GSDMC: variants seen among roughly 807,000 people sequenced by gnomAD.
The protein encoded by GSDMC is gasdermin-C.
Under a neutral mutation model 58.0 loss-of-function variants are expected in GSDMC, and 59 were observed. The ratio of observed to expected loss-of-function variants is 1.02; its 90% confidence interval spans 0.82 to 1.26. GSDMC has a LOEUF of 1.26. Ranked by LOEUF, GSDMC falls within the 50% of genes most tolerant of loss-of-function variation. GSDMC has a pLI of 0.00. For missense variants in GSDMC, 659 were observed against 598.5 expected, an observed-to-expected ratio of 1.10 and a Z score of -1.06; for synonymous variants, 241 against 220.2, an observed-to-expected ratio of 1.09 and a Z score of -0.83.
the GSDMC span, among the ~76,000 whole-genome samples, chr8:129,708,744 C>T: frequency 6.6e-6 from 1 of 152,382 alleles, no homozygotes. Flanking sequence ...ATTGGGAATG[C>T]CGTCCTTAAC....
At chr8:129,720,760 T>C in the GSDMC span, among the ~76,000 whole-genome samples, 50 of 152,350 alleles carry the variant, frequency 3.3e-4, no homozygotes, top group African/African-American at 1.2e-3. Context: ...ACACTGTAGG[T>C]AGGCTAAAAA....
At chr8:129,711,667 C>T in the GSDMC span, among the ~76,000 whole-genome samples, 2 of 152,186 alleles carry the variant, frequency 1.3e-5, no homozygotes, top group Non-Finnish European at 2.9e-5. Context: ...ACCAAAGGGT[C>T]CTTCCTGCAA....
At chr8:129,731,557 C>A in the GSDMC span, among the ~76,000 whole-genome samples, 1 of 152,194 alleles carries the variant, frequency 6.6e-6, no homozygotes, top group African/African-American at 2.4e-5. Flanking sequence ...AAGAGGCTGG[C>A]AACCCAGGAA....
At position 129,786,321 on chromosome 8, in the gene GSDMC, CAAAA is replaced by C. The variant is rs747387114; in HGVS notation, c.-319_-316del. 3 of 131,716 alleles carry C rather than the reference CAAAA, an allele frequency of 2.3e-5. No individual in the cohort carries two copies. The highest frequency in any genetic ancestry group is 5.6e-5 in the African/African-American group (2 of 35,944). 8.2% of individuals were successfully genotyped at this position (131,716 alleles called of 1,614,324 possible). A position where few individuals can be genotyped will look rare whatever the true frequency, so the allele number is the denominator to read the frequency against. ...CACTCCAGCCTGGGCAACTCCGTCT[CAAAA>C]AAAAAAAAAAGAGAGAAAAATAGCA... On this transcript the variant is annotated 5_prime_UTR_variant, in exon 1 of 14. Transcript: ENST00000276708.
chr8:129,750,517 G>A lies in GSDMC; in HGVS notation c.997C>T (p.Leu333Phe). ...ATGACATCCTGAACATCCTTTGAGA[G>A]CTGAGCCAGTGTCTTTATTTTCTGG... is the stretch of plus-strand genomic sequence containing the variant. ...VFQKIKTLAQ[L>F]SKDVQDVMFY... The change falls in exon 11 of 14, where the codon CTC (leucine) becomes TTC (phenylalanine). Residue 333 changes from leucine to phenylalanine, a missense_variant. By Grantham distance (22) the Leu-to-Phe change is conservative (BLOSUM62 0). Coordinates refer to ENST00000276708, the MANE Select transcript of GSDMC (RefSeq NM_031415.3). 1.2e-6 allele frequency: 2 copies of A among 1,613,754 alleles called. No homozygotes were observed. The highest frequency in any genetic ancestry group is 1.7e-6 in the Non-Finnish European group (2 of 1,179,644).
chr8:129,771,036 T>C (rs1167647690), intron 3 of GSDMC, among the ~76,000 whole-genome samples: 1 of 149,646 alleles, frequency 6.7e-6, no homozygotes, highest in Non-Finnish European at 1.5e-5. Flanking sequence ...TATGTATATG[T>C]ATATATTTAT....
downstream of GSDMC, among the ~76,000 whole-genome samples, chr8:129,745,097 C>G (rs1403519170): frequency 6.6e-6 from 1 of 152,198 alleles, no homozygotes; most frequent in Non-Finnish European, 1.5e-5. Flanking sequence ...AGTTTTCTTA[C>G]TACAAGCCCA....
chr8:129,752,905 C>T, intron 6 of GSDMC, 85 bp from the exon 7 acceptor site: 2 of 1,592,050 alleles, frequency 1.3e-6, no homozygotes, highest in Non-Finnish European at 1.7e-6. Flanking sequence ...CAGAGCCAGG[C>T]TGGGCTCAAT....
the GSDMC span, among the ~76,000 whole-genome samples, chr8:129,736,783 T>C: frequency 6.6e-6 from 1 of 152,218 alleles, no homozygotes; most frequent in African/African-American, 2.4e-5. Context: ...TTGGAAGTTC[T>C]GGCCAGGGCA....
the GSDMC span, among the ~76,000 whole-genome samples, chr8:129,741,973 ATGCT>A: frequency 6.8e-6 from 1 of 147,060 alleles, no homozygotes; most frequent in African/African-American, 2.6e-5. Context: ...AAAGAAGGAT[ATGCT>A]TTCATTTGTG....
chr8:129,782,199 G>C (rs2034434921), intron 1 of GSDMC, among the ~76,000 whole-genome samples: 1 of 151,942 alleles, frequency 6.6e-6, no homozygotes, highest in Non-Finnish European at 1.5e-5. Flanking sequence ...AAAACCCATG[G>C]GATACAGCAA....
chr8:129,713,335 G>T, the GSDMC span, among the ~76,000 whole-genome samples: 1 of 152,178 alleles, frequency 6.6e-6, no homozygotes, highest in Non-Finnish European at 1.5e-5. Context: ...GGAGCCCCAA[G>T]AATGGTGCTG....
At chr8:129,767,561 G>A (rs538663030) in intron 3 of GSDMC, among the ~76,000 whole-genome samples, 1 of 151,850 alleles carries the variant, frequency 6.6e-6, no homozygotes, top group Admixed American at 6.6e-5. Flanking sequence ...TGGGACACAG[G>A]CTACAAACCC....
the GSDMC span, among the ~76,000 whole-genome samples, chr8:129,738,420 G>C: frequency 6.6e-6 from 1 of 152,194 alleles, no homozygotes; most frequent in East Asian, 1.9e-4. Flanking sequence ...GTTCATCAAT[G>C]ATAGACTGGA....
At chr8:129,737,628 G>C in the GSDMC span, among the ~76,000 whole-genome samples, 2 of 152,148 alleles carry the variant, frequency 1.3e-5, no homozygotes, top group Non-Finnish European at 2.9e-5. Flanking sequence ...ACTGAAACTG[G>C]ATCCCTTCCT....
chr8:129,742,556 C>G, the GSDMC span, among the ~76,000 whole-genome samples: 2 of 152,170 alleles, frequency 1.3e-5, no homozygotes, highest in South Asian at 4.1e-4. Flanking sequence ...TCTCTGTACT[C>G]TGTCCTGAAA....
At chr8:129,743,616 T>C (rs2032908059), downstream of GSDMC, among the ~76,000 whole-genome samples, 1 of 152,228 alleles carries the variant, frequency 6.6e-6, no homozygotes, top group Non-Finnish European at 1.5e-5. Flanking sequence ...TCTTCCCATG[T>C]GTAGTAATAC....
At chr8:129,711,646 C>T in the GSDMC span, among the ~76,000 whole-genome samples, 2 of 152,172 alleles carry the variant, frequency 1.3e-5, no homozygotes, top group Non-Finnish European at 2.9e-5. Flanking sequence ...CAATGAGATA[C>T]AAAAGGAGAG....
At chr8:129,776,046 G>A in intron 3 of GSDMC, 56 bp downstream of exon 3, 1 of 1,357,710 alleles carries the variant, frequency 7.4e-7, no homozygotes, top group African/African-American at 1.5e-5. Context: ...TTGTGTTCAA[G>A]GAAAACACCC....
Sources: allele counts gnomAD v4.1 joint callset (sites outside exome capture counted in the v4.1 genomes callset), GRCh38; gene constraint gnomAD v4.1.1; transcripts MANE v1.5; gene names NCBI Gene and HGNC (gene_info 2026-07-23, HGNC 2026-07-21).